OPCML: variants seen among roughly 807,000 people sequenced by gnomAD.
OPCML encodes opioid-binding protein/cell adhesion molecule.
OPCML carries 13 observed loss-of-function variants against 37.8 expected under a neutral mutation model. That is an observed-to-expected ratio of 0.34 (90% CI 0.22 to 0.55). The LOEUF is 0.55. Among genes scored for constraint, OPCML ranks in the 20% least tolerant of loss-of-function variants. The pLI is 0.91. For synonymous variants in OPCML, 176 were observed against 168.8 expected, an observed-to-expected ratio of 1.04 and a Z score of -0.33; for missense variants, 341 against 435.6, an observed-to-expected ratio of 0.78 and a Z score of 1.93.
chr11:132,711,101 A>G (rs989528452), intron 2 of OPCML, among the ~76,000 whole-genome samples: 1 of 152,184 alleles, frequency 6.6e-6, no homozygotes, highest in Non-Finnish European at 1.5e-5. Flanking sequence ...GAGGACAGCG[A>G]AAGCCCCAAA....
chr11:133,410,586 T>C (rs1945625079), intron 1 of OPCML, among the ~76,000 whole-genome samples: 1 of 144,564 alleles, frequency 6.9e-6, no homozygotes, highest in Non-Finnish European at 1.5e-5. Flanking sequence ...GTGGGGTTTT[T>C]GTTGCTTTTT....
intron 3 of OPCML, among the ~76,000 whole-genome samples, chr11:132,530,651 C>G (rs2096322401): frequency 6.6e-6 from 1 of 151,946 alleles, no homozygotes; most frequent in Admixed American, 6.6e-5. Context: ...GGCCCCGTTT[C>G]CTCTAACACA....
rs866556633 is a variant in OPCML, at chr11:132,782,925, A to G, written c.147-125606T>C. Among the ~76,000 whole-genome samples, 80 of 144,610 alleles carry G rather than the reference A, an allele frequency of 5.5e-4. 2 individuals are homozygous for G. The highest frequency in any genetic ancestry group is 1.9e-3 in the African/African-American group (77 of 39,938). The allele number at this position is 144,610 out of a possible 152,430, so 94.9% of individuals were successfully genotyped here. On this transcript the variant is annotated intron_variant, in intron 2 of 7. Coordinates refer to ENST00000524381, the MANE Select transcript of OPCML (RefSeq NM_001012393.5). ...ATATATATATAGTGTGTGTATATAT[A>G]TATATATATATATATATATATGTAT... is the stretch of plus-strand genomic sequence containing the variant.
intron 1 of OPCML, among the ~76,000 whole-genome samples, chr11:133,428,050 T>C (rs12421130): frequency 0.12 from 18,607 of 152,158 alleles, 1,238 homozygotes; most frequent in East Asian, 0.14. Flanking sequence ...CGAACATAGA[T>C]GCAAAATCCT....
chr11:133,228,076 T>C (rs758817029), intron 1 of OPCML, among the ~76,000 whole-genome samples: 4 of 152,186 alleles, frequency 2.6e-5, no homozygotes, highest in African/African-American at 4.8e-5. Flanking sequence ...CCTTTGTCCT[T>C]GGGATGGGAG....
chr11:133,204,888 A>ATGTGTATATATATATATATATGTG, intron 1 of OPCML, among the ~76,000 whole-genome samples: 1 of 129,154 alleles, frequency 7.7e-6, no homozygotes, highest in Admixed American at 7.7e-5. Flanking sequence ...ATATATATAT[A>ATGTGTATATATATATATATATGTG]TATATATATA....
intron 1 of OPCML, among the ~76,000 whole-genome samples, chr11:133,041,887 T>C (rs1411172642): frequency 2.0e-5 from 3 of 152,116 alleles, no homozygotes; most frequent in Non-Finnish European, 4.4e-5. Flanking sequence ...CTTAGAGCCC[T>C]CAAGAAGGCA....
At chr11:132,847,686 G>T (rs977056873) in intron 2 of OPCML, among the ~76,000 whole-genome samples, 1 of 152,170 alleles carries the variant, frequency 6.6e-6, no homozygotes, top group African/African-American at 2.4e-5. Flanking sequence ...TTTTGGTCAG[G>T]TATCTGAGCC....
chr11:132,800,997 A>G (rs1938616306), intron 2 of OPCML, among the ~76,000 whole-genome samples: 1 of 152,176 alleles, frequency 6.6e-6, no homozygotes, highest in South Asian at 2.1e-4. Context: ...AAATGAAACA[A>G]TTCACCAGTA....
intron 1 of OPCML, among the ~76,000 whole-genome samples, chr11:133,389,741 G>A (rs1467752738): frequency 6.6e-6 from 1 of 152,140 alleles, no homozygotes; most frequent in Non-Finnish European, 1.5e-5. Flanking sequence ...CTTTGAAATG[G>A]TCTTCTGTGC....
chr11:133,244,964 G>C (rs1225565324), intron 1 of OPCML, among the ~76,000 whole-genome samples: 3 of 152,266 alleles, frequency 2.0e-5, no homozygotes, highest in Admixed American at 1.3e-4. Flanking sequence ...CCAGGCAACA[G>C]GCAGACAGGC....
In OPCML at chr11:133,173,136, C is replaced by T. The variant is rs1950310525; in HGVS notation, c.62-230126G>A. ...AGTGGTAATAGCCATTTCCAACAAC[C>T]ACACCCATGCTTTAAAAAAATTACA... On this transcript the variant is annotated intron_variant, in intron 1 of 7. Coordinates refer to ENST00000524381, the MANE Select transcript of OPCML (RefSeq NM_001012393.5). The surrounding 1 kb of genome is among the most constrained non-coding windows in gnomAD (Gnocchi z 7.8). Among the ~76,000 whole-genome samples the T allele has an allele frequency of 6.6e-6, 1 of 152,172 alleles. No individual in the cohort carries two copies. The highest frequency in any genetic ancestry group is 1.5e-5 in the Non-Finnish European group (1 of 68,030).
intron 1 of OPCML, among the ~76,000 whole-genome samples, chr11:133,015,149 CAGAT>C (rs1947296562): frequency 6.6e-6 from 1 of 151,766 alleles, no homozygotes; most frequent in Admixed American, 6.6e-5. Flanking sequence ...CTGACAATAC[CAGAT>C]AGATAGGCAG....
intron 1 of OPCML, among the ~76,000 whole-genome samples, chr11:133,480,298 A>G (rs1947346501): frequency 6.6e-6 from 1 of 152,208 alleles, no homozygotes. Flanking sequence ...TATTTGACAG[A>G]TGAGGAAACT....
intron 1 of OPCML, among the ~76,000 whole-genome samples, chr11:133,251,795 C>T (rs1044530991): frequency 6.6e-6 from 1 of 152,184 alleles, no homozygotes. Context: ...AGACATTTCC[C>T]TGTCATCCTA....
chr11:133,001,090 C>G (rs749280355), intron 1 of OPCML, among the ~76,000 whole-genome samples: 1 of 152,206 alleles, frequency 6.6e-6, no homozygotes, highest in Non-Finnish European at 1.5e-5. Context: ...GAACCATGAG[C>G]TAATTACACC....
chr11:133,298,977 C>A (rs773905016), intron 1 of OPCML: 2 of 151,840 alleles, frequency 1.3e-5, no homozygotes, highest in African/African-American at 4.8e-5. Context: ...AGTTCTTAGA[C>A]CCAGATCAGC....
At chr11:132,436,057 C>T in intron 7 of OPCML, 29 bp downstream of exon 7, 1 of 1,602,254 alleles carries the variant, frequency 6.2e-7, no homozygotes, top group Non-Finnish European at 8.5e-7. Flanking sequence ...TGTGGCTGAG[C>T]CCACTGCATC....
chr11:133,054,214 C>G (rs1351789777), intron 1 of OPCML, among the ~76,000 whole-genome samples: 1 of 152,210 alleles, frequency 6.6e-6, no homozygotes, highest in African/African-American at 2.4e-5. Flanking sequence ...TGTTGGCCCT[C>G]TTATACATTG....
Sources: gnomAD v4.1 joint callset for allele counts (sites outside exome capture counted in the v4.1 genomes callset) on GRCh38, gnomAD v4.1.1 for gene constraint, Gnocchi (gnomAD v3.1) non-coding constraint, MANE v1.5 for transcripts, NCBI Gene and HGNC (gene_info 2026-07-23, HGNC 2026-07-21) for gene names.